NMNAT3: variants seen among roughly 807,000 people sequenced by gnomAD.
NMNAT3 encodes nicotinamide/nicotinic acid mononucleotide adenylyltransferase 3.
NMNAT3 carries 21 observed loss-of-function variants against 24.8 expected under a neutral mutation model. That is an observed-to-expected ratio of 0.85 (90% CI 0.60 to 1.22). The LOEUF is 1.22. NMNAT3 is among the 50% of genes most tolerant of loss of function. The probability of loss-of-function intolerance (pLI) is 0.00; values close to 1 mark genes in which losing one functional copy is unlikely to be tolerated. For synonymous variants in NMNAT3, 136 were observed against 155.2 expected (o/e 0.88, Z 0.92); for missense variants, 387 against 436.6 (o/e 0.89, Z 1.01).
chr3:139,576,750 A>G (rs546511847), intron 5 of NMNAT3, among the ~76,000 whole-genome samples: 1 of 152,198 alleles, frequency 6.6e-6, no homozygotes, highest in East Asian at 1.9e-4. Context: ...AGAATAAAGG[A>G]GTTATTTAAA....
At chr3:139,576,084 A>G in intron 5 of NMNAT3, 1 of 1,280,586 alleles carries the variant, frequency 7.8e-7, no homozygotes, top group Non-Finnish European at 1.0e-6. Context: ...TCTACAGTGA[A>G]TTTACATCAT....
intron 1 of NMNAT3, among the ~76,000 whole-genome samples, chr3:139,656,086 C>T (rs1279459784): frequency 7.9e-5 from 12 of 152,226 alleles, no homozygotes; most frequent in Admixed American, 3.3e-4. Context: ...ACAATCTCTC[C>T]TAAACAAGAC....
chr3:139,577,223 A>G (rs990754161), intron 5 of NMNAT3, among the ~76,000 whole-genome samples: 1 of 152,202 alleles, frequency 6.6e-6, no homozygotes, highest in East Asian at 1.9e-4. Flanking sequence ...AAATAGTACT[A>G]TGGTCAACTC....
At chr3:139,663,542 G>A (rs755015162) in intron 1 of NMNAT3, among the ~76,000 whole-genome samples, 1 of 152,272 alleles carries the variant, frequency 6.6e-6, no homozygotes, top group Middle Eastern at 3.4e-3. Flanking sequence ...GTTAGATTCT[G>A]GGATCTCAAA....
chr3:139,567,128 G>A (rs1476870958), intron 6 of NMNAT3: 1 of 152,160 alleles, frequency 6.6e-6, no homozygotes, highest in African/African-American at 2.4e-5. Flanking sequence ...TGAAGCAATT[G>A]TGAATGGGAG....
intron 1 of NMNAT3, among the ~76,000 whole-genome samples, chr3:139,648,242 G>A (rs1362144040): frequency 2.0e-5 from 3 of 152,136 alleles, no homozygotes; most frequent in Non-Finnish European, 2.9e-5. Flanking sequence ...CATGTAAGAC[G>A]TGCCTTGCTT....
At chr3:139,664,207 C>T (rs1377183591) in intron 1 of NMNAT3, among the ~76,000 whole-genome samples, 1 of 152,194 alleles carries the variant, frequency 6.6e-6, no homozygotes, top group African/African-American at 2.4e-5. Context: ...GGAACCCTTT[C>T]TTAATTTAGG....
intron 1 of NMNAT3, among the ~76,000 whole-genome samples, chr3:139,661,727 G>A (rs1344081844): frequency 2.6e-5 from 4 of 151,860 alleles, no homozygotes; most frequent in African/African-American, 7.3e-5. Flanking sequence ...CATAGAGGTC[G>A]CCCCCCCAAA....
intron 6 of NMNAT3, chr3:139,565,288 A>G (rs547426472): frequency 1.3e-5 from 2 of 152,346 alleles, no homozygotes; most frequent in African/African-American, 2.4e-5. Context: ...GAATTTATCA[A>G]GCAAAGAGTG....
At position 139,621,256 on chromosome 3, in the gene NMNAT3, T is replaced by C. The variant is rs566486897; in HGVS notation, c.109+6360A>G. Reference sequence around the variant, plus strand: ...GTCCAGTGGTATCTCACCGTGATCTTCATCTGCATTTCCCTAATGCTATTG... The same window carrying C: ...GTCCAGTGGTATCTCACCGTGATCTCCATCTGCATTTCCCTAATGCTATTG... On this transcript the variant is annotated intron_variant, in intron 3 of 6. Coordinates refer to ENST00000643695, the MANE Select transcript of NMNAT3 (RefSeq NM_001320510.2). 1.1e-4 allele frequency among the ~76,000 whole-genome samples: 17 copies of C among 152,360 alleles called. No homozygotes were observed. In the South Asian group the frequency reaches 3.5e-3, roughly 32 times the overall value.
At chr3:139,582,680 A>ACTTAATAT (rs1230098474) in intron 4 of NMNAT3, among the ~76,000 whole-genome samples, 1 of 149,370 alleles carries the variant, frequency 6.7e-6, no homozygotes, top group Non-Finnish European at 1.5e-5. Flanking sequence ...GAAAATGTAC[A>ACTTAATAT]CTTAATATTT....
At chr3:139,592,303 G>T (rs1419873002) in intron 3 of NMNAT3, among the ~76,000 whole-genome samples, 2 of 152,218 alleles carry the variant, frequency 1.3e-5, no homozygotes, top group African/African-American at 4.8e-5. Context: ...AAGTGTCCAA[G>T]AAATATGGGA....
intron 3 of NMNAT3, among the ~76,000 whole-genome samples, chr3:139,591,121 G>A (rs965838413): frequency 2.0e-5 from 3 of 151,062 alleles, no homozygotes; most frequent in Non-Finnish European, 4.4e-5. Flanking sequence ...CGCACCGTGC[G>A]CGAGCCGAAG....
chr3:139,627,501 A>T, intron 3 of NMNAT3, 115 bp downstream of exon 4: 1 of 580,546 alleles, frequency 1.7e-6, no homozygotes, highest in Non-Finnish European at 3.0e-6. Flanking sequence ...ATATGCCACT[A>T]GTTATGCTGT....
chr3:139,603,731 TCCAACTAA>T (rs1213027408), intron 3 of NMNAT3, among the ~76,000 whole-genome samples: 1 of 151,850 alleles, frequency 6.6e-6, no homozygotes, highest in Non-Finnish European at 1.5e-5. Flanking sequence ...ACCACCACAC[TCCAACTAA>T]CCAATGCTGC....
intron 5 of NMNAT3, 76 bp from the exon 6 acceptor site, chr3:139,573,756 G>C (rs1031792582): frequency 1.2e-5 from 9 of 761,304 alleles, no homozygotes; most frequent in Non-Finnish European, 1.7e-5. Context: ...TTCAGATTTT[G>C]TCTCAGCCTG....
Position 139,582,907 on chromosome 3 carries a change from A to AAT in NMNAT3, c.391+18_391+19dup, listed in dbSNP as rs1553741479. 1.2e-5 allele frequency: 16 copies of AAT among 1,382,694 alleles called. No homozygotes were observed. The East Asian group carries it at 1.3e-4, about 11-fold the overall frequency. 85.7% of individuals were successfully genotyped at this position (1,382,694 alleles called of 1,614,324 possible). A position where few individuals can be genotyped will look rare whatever the true frequency, so the allele number is the denominator to read the frequency against. ...GTTGGAGGGAGGAGCAGTCCAAAAA[A>AAT]ATATATATATATTTTTTACCTTGAA... On this transcript the variant is annotated intron_variant, in intron 4 of 6. Coordinates refer to ENST00000643695, the MANE Select transcript of NMNAT3 (RefSeq NM_001320510.2).
intron 1 of NMNAT3, among the ~76,000 whole-genome samples, chr3:139,646,774 A>G (rs1210299536): frequency 6.6e-6 from 1 of 152,238 alleles, no homozygotes; most frequent in Admixed American, 6.5e-5. Flanking sequence ...AGACATTAGC[A>G]TTCACATGGC....
chr3:139,658,479 T>A (rs7625629), intron 1 of NMNAT3, among the ~76,000 whole-genome samples: 88,710 of 152,156 alleles, frequency 0.58, 26,453 homozygotes, highest in East Asian at 0.71. Flanking sequence ...GCAGATGAAG[T>A]ACTTGTTTGT....
Sources: gnomAD v4.1 joint callset for allele counts (sites outside exome capture counted in the v4.1 genomes callset) on GRCh38, gnomAD v4.1.1 for gene constraint, MANE v1.5 for transcripts, NCBI Gene and HGNC (gene_info 2026-07-23, HGNC 2026-07-21) for gene names.